ZNF385D: variants seen among roughly 807,000 people sequenced by gnomAD.
ZNF385D encodes the protein zinc finger protein 659.
Under a neutral mutation model 35.8 loss-of-function variants are expected in ZNF385D, and 15 were observed. That is an observed-to-expected ratio of 0.42 (90% confidence interval 0.28 to 0.64). The LOEUF (loss-of-function observed/expected upper bound fraction) is 0.64. Ranked by LOEUF, ZNF385D falls within the 30% of genes least tolerant of loss-of-function variation. The pLI is 0.23. For synonymous variants in ZNF385D, 212 were observed against 186.8 expected (o/e 1.13, Z -1.10); for missense variants, 474 against 494.6 (o/e 0.96, Z 0.39).
intron 4 of ZNF385D, among the ~76,000 whole-genome samples, chr3:21,458,525 A>G (rs558159637): frequency 5.8e-4 from 88 of 151,718 alleles, no homozygotes; most frequent in Middle Eastern, 3.4e-3. Context: ...TCTAGAAGAA[A>G]GGGAAGGGGA....
chr3:21,532,128 G>C (rs233142), intron 3 of ZNF385D, among the ~76,000 whole-genome samples: 22,613 of 152,006 alleles, frequency 0.15, 1,762 homozygotes, highest in Admixed American at 0.24. Flanking sequence ...ACCTCCTTCG[G>C]ATGTGGTTAG....
chr3:22,231,032 T>C (rs1698857698), intron 2 of ZNF385D, among the ~76,000 whole-genome samples: 1 of 152,070 alleles, frequency 6.6e-6, no homozygotes, highest in Non-Finnish European at 1.5e-5. Flanking sequence ...ACCCCAATAT[T>C]GGGAGAAAAT....
chr3:21,744,124 T>A (rs59398724), intron 1 of ZNF385D, among the ~76,000 whole-genome samples: 13,119 of 152,258 alleles, frequency 0.086, 920 homozygotes, highest in East Asian at 0.28. Flanking sequence ...ACTAGCTTTG[T>A]GACCTTGAGA....
intron 2 of ZNF385D, among the ~76,000 whole-genome samples, chr3:22,244,419 A>G (rs1260055387): frequency 6.7e-6 from 1 of 150,264 alleles, no homozygotes; most frequent in Non-Finnish European, 1.5e-5. Context: ...AGAAAAGTAA[A>G]ATAAATATCA....
At chr3:21,901,289 C>A (rs1232821385) in intron 3 of ZNF385D, among the ~76,000 whole-genome samples, 1 of 152,108 alleles carries the variant, frequency 6.6e-6, no homozygotes, top group Non-Finnish European at 1.5e-5. Context: ...AATTTCCACC[C>A]ACGCCTCCCA....
intron 3 of ZNF385D, among the ~76,000 whole-genome samples, chr3:21,976,058 C>A (rs944997904): frequency 6.6e-6 from 1 of 152,046 alleles, no homozygotes; most frequent in Non-Finnish European, 1.5e-5. Flanking sequence ...ACTGGGACAC[C>A]TTGAGGGATG....
chr3:22,062,399 T>G (rs1436478062), intron 3 of ZNF385D, among the ~76,000 whole-genome samples: 1 of 152,172 alleles, frequency 6.6e-6, no homozygotes, highest in Non-Finnish European at 1.5e-5. Flanking sequence ...GTGGAAGAAT[T>G]AACATTCATT....
At chr3:22,060,352 T>C (rs1382663828) in intron 3 of ZNF385D, among the ~76,000 whole-genome samples, 1 of 152,214 alleles carries the variant, frequency 6.6e-6, no homozygotes, top group Admixed American at 6.5e-5. Context: ...TAAGTATTTG[T>C]TGAAAAATTA....
At chr3:22,057,085 C>A (rs535162910) in intron 3 of ZNF385D, among the ~76,000 whole-genome samples, 1 of 152,268 alleles carries the variant, frequency 6.6e-6, no homozygotes, top group African/African-American at 2.4e-5. Context: ...TTTAACCTAC[C>A]ACATCTGATC....
Position 22,009,054 on chromosome 3 carries a change from G to C in ZNF385D, c.325+159763C>G, listed in dbSNP as rs1188050988. Among the ~76,000 whole-genome samples the C allele has an allele frequency of 3.9e-5, 6 of 152,268 alleles. No homozygotes were observed. The East Asian group carries it at 1.2e-3, about 29-fold the overall frequency. ...AGTCCTAGTGTTGGGTAACAAGGGAGGAACTATACACAGGATAAGGGCCAG... is the reference window on the plus strand; with the variant it reads ...AGTCCTAGTGTTGGGTAACAAGGGACGAACTATACACAGGATAAGGGCCAG... On this transcript the variant is annotated intron_variant, in intron 3 of 5. Coordinates refer to the ZNF385D transcript ENST00000494108.
At chr3:21,515,775 T>A (rs565424688) in intron 3 of ZNF385D, among the ~76,000 whole-genome samples, 1 of 152,314 alleles carries the variant, frequency 6.6e-6, no homozygotes, top group Admixed American at 6.5e-5. Flanking sequence ...TGAAACCACC[T>A]TTGTAAGACC....
At chr3:22,123,883 A>C (rs1703245381) in intron 3 of ZNF385D, among the ~76,000 whole-genome samples, 1 of 144,378 alleles carries the variant, frequency 6.9e-6, no homozygotes, top group Non-Finnish European at 1.5e-5. Flanking sequence ...AACCAAACCA[A>C]ACCAAACAAA....
chr3:22,149,521 C>T (rs993997646), intron 3 of ZNF385D, among the ~76,000 whole-genome samples: 5 of 152,234 alleles, frequency 3.3e-5, no homozygotes, highest in Admixed American at 2.0e-4. Flanking sequence ...GTTTCTGATA[C>T]AATATATTTG....
At chr3:22,112,176 G>T (rs943120807) in intron 3 of ZNF385D, among the ~76,000 whole-genome samples, 4 of 152,128 alleles carry the variant, frequency 2.6e-5, no homozygotes, top group African/African-American at 9.7e-5. Context: ...TAAGACTATT[G>T]TTTAGCAGAG....
At chr3:21,903,811 G>T (rs1699537128) in intron 3 of ZNF385D, among the ~76,000 whole-genome samples, 1 of 152,140 alleles carries the variant, frequency 6.6e-6, no homozygotes, top group Non-Finnish European at 1.5e-5. Flanking sequence ...GCAGTCATGA[G>T]CAGAAAGACT....
At chr3:21,917,292 T>C (rs1259969210) in intron 3 of ZNF385D, among the ~76,000 whole-genome samples, 1 of 151,980 alleles carries the variant, frequency 6.6e-6, no homozygotes, top group Non-Finnish European at 1.5e-5. Context: ...ATTAGCTGGA[T>C]GTGGTGCGGC....
At chr3:22,263,949 A>G (rs1700762002) in intron 2 of ZNF385D, among the ~76,000 whole-genome samples, 1 of 152,008 alleles carries the variant, frequency 6.6e-6, no homozygotes, top group African/African-American at 2.4e-5. Flanking sequence ...GTTAAAAATT[A>G]TAAGAGAAGG....
intron 2 of ZNF385D, among the ~76,000 whole-genome samples, chr3:22,183,223 T>C (rs935935035): frequency 8.5e-5 from 13 of 152,228 alleles, no homozygotes; most frequent in Non-Finnish European, 1.8e-4. Context: ...TTTTTTGTTT[T>C]TATTTTTCAC....
At chr3:22,065,865 T>C (rs940431177) in intron 3 of ZNF385D, among the ~76,000 whole-genome samples, 1 of 152,072 alleles carries the variant, frequency 6.6e-6, no homozygotes, top group African/African-American at 2.4e-5. Flanking sequence ...TTCTGGAAGA[T>C]CCAGAAGGGA....
Sources: allele counts gnomAD v4.1 joint callset (sites outside exome capture counted in the v4.1 genomes callset), GRCh38; gene constraint gnomAD v4.1.1; transcripts MANE v1.5; gene names NCBI Gene and HGNC (gene_info 2026-07-23, HGNC 2026-07-21).